The following ERBB4 variants were observed in gnomAD, a reference collection of about 807,000 sequenced individuals.
ERBB4 encodes erb-b2 receptor tyrosine kinase 4, also known as receptor tyrosine-protein kinase erbB-4.
In ERBB4, 42 loss-of-function variants were observed where a neutral mutation model predicts 158.0. The ratio of observed to expected loss-of-function variants is 0.27; its 90% CI spans 0.21 to 0.34. The LOEUF (loss-of-function observed/expected upper bound fraction) is 0.34. Ranked by LOEUF, ERBB4 falls within the 10% of genes least tolerant of loss-of-function variation. The pLI, the probability that ERBB4 is intolerant of heterozygous loss-of-function variation, is 1.00. For synonymous variants in ERBB4, 583 were observed against 558.7 expected, an observed-to-expected ratio of 1.04 and a Z score of -0.61; for missense variants, 1,333 against 1,624.1, an observed-to-expected ratio of 0.82 and a Z score of 3.08.
intron 3 of ERBB4, among the ~76,000 whole-genome samples, chr2:211,867,700 C>T (rs1265401051): frequency 6.6e-6 from 1 of 152,086 alleles, no homozygotes; most frequent in Admixed American, 6.6e-5. Context: ...GTAGCTGAGA[C>T]TATAGGTGTG....
chr2:212,152,048 GT>G (rs2080890117), intron 1 of ERBB4, among the ~76,000 whole-genome samples: 1 of 152,016 alleles, frequency 6.6e-6, no homozygotes, highest in Non-Finnish European at 1.5e-5. Context: ...TGTAGCATAA[GT>G]TTTACTTCAT....
At chr2:212,068,537 T>C (rs568961352) in intron 2 of ERBB4, among the ~76,000 whole-genome samples, 1 of 152,042 alleles carries the variant, frequency 6.6e-6, no homozygotes, top group Non-Finnish European at 1.5e-5. Flanking sequence ...GGCATAATAA[T>C]GAAGTTTCCT....
At chr2:211,872,758 C>T (rs550928566) in intron 3 of ERBB4, among the ~76,000 whole-genome samples, 1 of 151,878 alleles carries the variant, frequency 6.6e-6, no homozygotes. Context: ...ACAATTTTAT[C>T]GTAAGTAAAA....
intron 1 of ERBB4, among the ~76,000 whole-genome samples, chr2:212,456,939 C>T (rs959352271): frequency 1.3e-5 from 2 of 151,636 alleles, no homozygotes; most frequent in African/African-American, 2.4e-5. Context: ...TTCTATTATA[C>T]TTAAGGTTTT....
At chr2:211,991,734 C>G (rs2082079122) in intron 2 of ERBB4, among the ~76,000 whole-genome samples, 1 of 152,030 alleles carries the variant, frequency 6.6e-6, no homozygotes, top group South Asian at 2.1e-4. Flanking sequence ...AGGAATGAGA[C>G]TAAGATAAAT....
chr2:211,772,955 A>AT (rs1328976588), intron 4 of ERBB4, among the ~76,000 whole-genome samples: 2,071 of 83,268 alleles, frequency 0.025, 314 homozygotes, highest in African/African-American at 0.097. Flanking sequence ...ATATATATAT[A>AT]TTTTTTTTTT....
intron 3 of ERBB4, among the ~76,000 whole-genome samples, chr2:211,802,670 C>T (rs1318972391): frequency 1.3e-5 from 2 of 152,064 alleles, no homozygotes; most frequent in East Asian, 3.9e-4. Context: ...TTATTTTCTC[C>T]AGAGCTTCAA....
chr2:211,413,309 AACACACAC>A lies in ERBB4; in HGVS notation c.3135+7124_3135+7131del, dbSNP rs36108369. Among the ~76,000 whole-genome samples, 30 of 94,572 alleles carry A rather than the reference AACACACAC, an allele frequency of 3.2e-4. 2 individuals carry two copies. Among genetic ancestry groups the A allele is most frequent in the African/African-American group, 8.8e-4 (23 of 26,050 alleles). 62.0% of individuals were successfully genotyped at this position (94,572 alleles called of 152,430 possible). ...GGACAGAGAGAGACCCTGTCTTAAAAACACACACACACACACACACACACACACACACA... is the reference window on the plus strand; with the variant it reads ...GGACAGAGAGAGACCCTGTCTTAAAAACACACACACACACACACACACACA... On this transcript the variant is annotated intron_variant, in intron 25 of 27. Transcript: ENST00000342788.
At chr2:211,773,765 GA>G (rs1414209517) in intron 4 of ERBB4, among the ~76,000 whole-genome samples, 1 of 149,034 alleles carries the variant, frequency 6.7e-6, no homozygotes, top group East Asian at 2.0e-4. Context: ...ATATTTATGT[GA>G]AGTATATATA....
intron 1 of ERBB4, among the ~76,000 whole-genome samples, chr2:212,358,366 T>A (rs548335852): frequency 0.012 from 1,847 of 148,042 alleles, 33 homozygotes; most frequent in African/African-American, 0.041. Flanking sequence ...GCACTTTTTT[T>A]AAAAAAAAAA....
At chr2:212,297,276 T>G (rs2086447592) in intron 1 of ERBB4, among the ~76,000 whole-genome samples, 1 of 152,034 alleles carries the variant, frequency 6.6e-6, no homozygotes, top group African/African-American at 2.4e-5. Context: ...AATTAATGTG[T>G]GTGTATGGTA....
chr2:212,381,348 G>A lies in ERBB4; in HGVS notation c.82+157101C>T, dbSNP rs1039540860. Among the ~76,000 whole-genome samples, 5 of 151,272 alleles carry A rather than the reference G, an allele frequency of 3.3e-5. No homozygotes were observed. The East Asian group carries it at 9.7e-4, about 29-fold the overall frequency. On this transcript the variant is annotated intron_variant, in intron 1 of 27. Transcript: ENST00000342788. Reference sequence around the variant, plus strand: ...ATTTTTCACTCTGCGTTGGAAAGGTGCACTGAGGTTAATCTAAATGTAGCC... The same window carrying A: ...ATTTTTCACTCTGCGTTGGAAAGGTACACTGAGGTTAATCTAAATGTAGCC...
At position 211,427,836 on chromosome 2, in the gene ERBB4, ATT is replaced by A. The variant is rs57717911; in HGVS notation, c.2719+570_2719+571del. ...ATTGTCCCTAAACTAAAATTGGCTG[ATT>A]TTTTTTTTTTCTGTCAAAATGATCA... is the stretch of plus-strand genomic sequence containing the variant. On this transcript the variant is annotated intron_variant, in intron 22 of 27. Transcript: ENST00000342788. 4.0e-3 allele frequency among the ~76,000 whole-genome samples: 583 copies of A among 145,180 alleles called. 5 individuals carry two copies. The highest frequency in any genetic ancestry group is 0.014 in the African/African-American group (552 of 39,670).
At chr2:211,763,236 T>C (rs2075459686) in intron 4 of ERBB4, among the ~76,000 whole-genome samples, 2 of 152,208 alleles carry the variant, frequency 1.3e-5, no homozygotes, top group African/African-American at 4.8e-5. Flanking sequence ...TATTTCAACA[T>C]GAACATAAAG....
At chr2:211,448,931 G>A (rs937814201) in intron 20 of ERBB4, among the ~76,000 whole-genome samples, 2 of 151,894 alleles carry the variant, frequency 1.3e-5, no homozygotes, top group African/African-American at 4.8e-5. Context: ...CTATGATATT[G>A]AAGTATACAT....
chr2:211,822,087 T>G (rs983435645), intron 3 of ERBB4, among the ~76,000 whole-genome samples: 1 of 151,768 alleles, frequency 6.6e-6, no homozygotes, highest in Non-Finnish European at 1.5e-5. Context: ...TAGTGGAAGC[T>G]AAAAAAATTT....
intron 1 of ERBB4, chr2:212,426,213 G>C (rs1024289463): frequency 2.1e-6 from 1 of 487,670 alleles, no homozygotes; most frequent in Admixed American, 2.4e-5. Flanking sequence ...CTGAGAATAA[G>C]TTTTGAATTG....
chr2:212,522,529 CT>C (rs1462670000), intron 1 of ERBB4, among the ~76,000 whole-genome samples: 2 of 151,842 alleles, frequency 1.3e-5, no homozygotes, highest in Non-Finnish European at 2.9e-5. Flanking sequence ...GTTTAGAGCT[CT>C]GTATAGGGGT....
chr2:212,068,377 G>C (rs544199173), intron 2 of ERBB4, among the ~76,000 whole-genome samples: 13 of 152,148 alleles, frequency 8.5e-5, no homozygotes, highest in African/African-American at 2.9e-4. Context: ...TTTTGCACTA[G>C]TTCCCAACAC....
Sources: gnomAD v4.1 joint callset for allele counts (sites outside exome capture counted in the v4.1 genomes callset) on GRCh38, gnomAD v4.1.1 for gene constraint, MANE v1.5 for transcripts, NCBI Gene and HGNC (gene_info 2026-07-23, HGNC 2026-07-21) for gene names.